Variants in INPP4B observed in about 807,000 individuals in gnomAD.
INPP4B encodes the protein inositol polyphosphate-4-phosphatase type II B.
A neutral mutation model predicts 122.5 loss-of-function variants in INPP4B; 55 were observed. That is an observed-to-expected ratio of 0.45 (90% CI 0.36 to 0.56). The LOEUF is 0.56. Ranked by LOEUF, INPP4B falls within the 20% of genes least tolerant of loss-of-function variation. INPP4B has a pLI of 0.00. For missense variants in INPP4B, 1,000 were observed against 1,097.7 expected (o/e 0.91, Z 1.26); for synonymous variants, 403 against 388.7 (o/e 1.04, Z -0.43).
chr4:142,670,204 G>C (rs781589432), intron 2 of INPP4B, among the ~76,000 whole-genome samples: 1 of 152,104 alleles, frequency 6.6e-6, no homozygotes, highest in Non-Finnish European at 1.5e-5. Flanking sequence ...TGTGGTATCA[G>C]ACGTTCACTG....
At chr4:142,823,743 A>G (rs368203508) in intron 1 of INPP4B, among the ~76,000 whole-genome samples, 14 of 152,304 alleles carry the variant, frequency 9.2e-5, no homozygotes, top group African/African-American at 3.4e-4. Context: ...GATAAAAGCT[A>G]TTCTTGCTAC....
At chr4:142,300,964 GT>G (rs1256205647) in intron 9 of INPP4B, among the ~76,000 whole-genome samples, 2 of 152,148 alleles carry the variant, frequency 1.3e-5, no homozygotes, top group Non-Finnish European at 2.9e-5. Context: ...GGGTGGGGGT[GT>G]GGTGACATGT....
chr4:142,413,145 T>C (rs1214813397), intron 5 of INPP4B, among the ~76,000 whole-genome samples: 2 of 152,182 alleles, frequency 1.3e-5, no homozygotes, highest in Non-Finnish European at 2.9e-5. Flanking sequence ...AAAGTTGGCA[T>C]TAAAAAATTA....
rs182737789 is a variant in INPP4B at position 142,455,483 on chromosome 4, G to T, written c.-127+7180C>A. On this transcript the variant is annotated intron_variant, in intron 3 of 25. Transcript: ENST00000262992. ...CTCCAGTTCCATCCATGTTGTGAAT[G>T]AGTGGATCTCATTCTTTTTTTATGG... Among the ~76,000 whole-genome samples the T allele has an allele frequency of 2.2e-3, 331 of 152,138 alleles. 2 individuals are homozygous for T. Among genetic ancestry groups the T allele is most frequent in the African/African-American group, 7.4e-3 (309 of 41,552 alleles).
intron 25 of INPP4B, among the ~76,000 whole-genome samples, chr4:142,048,695 C>A (rs1269148186): frequency 2.0e-5 from 3 of 152,016 alleles, no homozygotes; most frequent in African/African-American, 7.2e-5. Flanking sequence ...GGGCAACCAG[C>A]AGAGGCAAAA....
At chr4:142,497,276 C>A (rs369101138) in intron 2 of INPP4B, among the ~76,000 whole-genome samples, 1 of 152,052 alleles carries the variant, frequency 6.6e-6, no homozygotes, top group Non-Finnish European at 1.5e-5. Flanking sequence ...CCTAGCCTCA[C>A]GAAAATTATT....
intron 2 of INPP4B, among the ~76,000 whole-genome samples, chr4:142,717,482 T>C (rs1763929546): frequency 6.6e-6 from 1 of 152,168 alleles, no homozygotes; most frequent in African/African-American, 2.4e-5. Context: ...CCAAACTATC[T>C]GGCTACCAAA....
intron 2 of INPP4B, among the ~76,000 whole-genome samples, chr4:142,630,428 T>C (rs1747679863): frequency 6.6e-6 from 1 of 152,210 alleles, no homozygotes; most frequent in East Asian, 1.9e-4. Flanking sequence ...AACACATTAG[T>C]GATGTTTATG....
chr4:142,811,542 C>G (rs768535931), intron 1 of INPP4B, among the ~76,000 whole-genome samples: 6 of 151,966 alleles, frequency 3.9e-5, no homozygotes, highest in Non-Finnish European at 8.8e-5. Context: ...TGACAGCTTC[C>G]CAGAAATAGT....
At chr4:142,269,557 T>C (rs1744730450) in intron 10 of INPP4B, among the ~76,000 whole-genome samples, 1 of 152,012 alleles carries the variant, frequency 6.6e-6, no homozygotes, top group Non-Finnish European at 1.5e-5. Flanking sequence ...TACCAGAGGC[T>C]GGGGGAGGGA....
At chr4:142,208,380 C>T (rs1482418848) in intron 14 of INPP4B, 45 bp downstream of exon 14, 4 of 966,244 alleles carry the variant, frequency 4.1e-6, no homozygotes, top group Non-Finnish European at 6.4e-6. Context: ...CAGAAGTACA[C>T]ACTGTAACAT....
At chr4:142,166,552 T>C (rs1310890290) in intron 16 of INPP4B, among the ~76,000 whole-genome samples, 2 of 151,640 alleles carry the variant, frequency 1.3e-5, no homozygotes, top group Admixed American at 1.3e-4. Context: ...GATCTAATTA[T>C]ACTAAAGAGC....
chr4:142,717,907 C>CA (rs33932611), intron 2 of INPP4B, among the ~76,000 whole-genome samples: 3,465 of 58,368 alleles, frequency 0.059, 123 homozygotes, highest in African/African-American at 0.12. Flanking sequence ...AAAAAGAAAG[C>CA]AAAAAAAAAA....
chr4:142,567,408 G>A (rs1731853783), intron 2 of INPP4B, among the ~76,000 whole-genome samples: 5 of 152,068 alleles, frequency 3.3e-5, no homozygotes, highest in Admixed American at 3.3e-4. Flanking sequence ...TCTTCCAGTA[G>A]TTCCCTCCCA....
At chr4:142,507,338 G>A (rs1824159186) in intron 2 of INPP4B, among the ~76,000 whole-genome samples, 1 of 152,126 alleles carries the variant, frequency 6.6e-6, no homozygotes, top group African/African-American at 2.4e-5. Context: ...ATCAGTCAGA[G>A]ACTCCAGAAC....
At chr4:142,332,968 G>A (rs1321985305) in intron 7 of INPP4B, among the ~76,000 whole-genome samples, 13 of 133,598 alleles carry the variant, frequency 9.7e-5, no homozygotes, top group Admixed American at 1.7e-4. Context: ...CCGAGATCGC[G>A]CCACTGCACT....
intron 14 of INPP4B, among the ~76,000 whole-genome samples, chr4:142,199,141 A>G (rs1839644187): frequency 1.3e-5 from 2 of 152,060 alleles, no homozygotes; most frequent in Non-Finnish European, 2.9e-5. Flanking sequence ...TTGTGAATTT[A>G]ATGTCTTTTT....
intron 25 of INPP4B, among the ~76,000 whole-genome samples, chr4:142,070,405 C>A (rs1289510658): frequency 6.6e-6 from 1 of 152,164 alleles, no homozygotes; most frequent in African/African-American, 2.4e-5. Context: ...AAACTGGAAG[C>A]ATTCCCTTTG....
At chr4:142,208,722 A>G (rs1017182178) in intron 13 of INPP4B, among the ~76,000 whole-genome samples, 174 bp downstream of exon 13, 11 of 152,104 alleles carry the variant, frequency 7.2e-5, no homozygotes, top group Admixed American at 5.9e-4. Flanking sequence ...ATAATTCTGT[A>G]AGGTAAAATA....
Sources: allele counts gnomAD v4.1 joint callset (sites outside exome capture counted in the v4.1 genomes callset), GRCh38; gene constraint gnomAD v4.1.1; transcripts MANE v1.5; gene names NCBI Gene and HGNC (gene_info 2026-07-23, HGNC 2026-07-21).